Variants in MAPK10 observed in about 807,000 individuals in gnomAD.
The protein encoded by MAPK10 is mitogen-activated protein kinase 10.
In MAPK10, 25 loss-of-function variants were observed where a neutral mutation model predicts 59.3. That is an observed-to-expected ratio of 0.42 (90% CI 0.31 to 0.59). MAPK10 has a LOEUF of 0.59. Ranked by LOEUF, MAPK10 falls within the 20% of genes least tolerant of loss-of-function variation. The pLI, the probability that MAPK10 is intolerant of heterozygous loss-of-function variation, is 0.15. For synonymous variants in MAPK10, 190 were observed against 200.5 expected (o/e 0.95, Z 0.44); for missense variants, 351 against 568.9 (o/e 0.62, Z 3.90).
Position 86,251,779 on chromosome 4 carries a change from G to T in MAPK10, c.-6-57372C>A, listed in dbSNP as rs1481035601. Among the ~76,000 whole-genome samples, 4 of 135,644 alleles carry T rather than the reference G, an allele frequency of 2.9e-5. No homozygotes were observed. The East Asian group carries it at 6.0e-4, about 20-fold the overall frequency. 89.0% of individuals were successfully genotyped at this position (135,644 alleles called of 152,430 possible). On this transcript the variant is annotated intron_variant, in intron 2 of 13. Transcript: ENST00000641462. Reference sequence around the variant, plus strand: ...GACTTCCACAATGGTTGAACTAGTTGACAGTCCCACCAACAGTGTAAAAGT... The same window carrying T: ...GACTTCCACAATGGTTGAACTAGTTTACAGTCCCACCAACAGTGTAAAAGT...
At chr4:86,249,941 A>G (rs991184033) in intron 2 of MAPK10, among the ~76,000 whole-genome samples, 3 of 152,180 alleles carry the variant, frequency 2.0e-5, no homozygotes, top group Non-Finnish European at 4.4e-5. Context: ...AGAATGGGAA[A>G]TAAAAATGCT....
chr4:86,075,509 C>T (rs925505154), intron 9 of MAPK10, among the ~76,000 whole-genome samples: 8 of 152,090 alleles, frequency 5.3e-5, no homozygotes, highest in Non-Finnish European at 4.4e-5. Context: ...TCTGTTTTTT[C>T]CCCATCTTTG....
intron 4 of MAPK10, among the ~76,000 whole-genome samples, chr4:86,158,526 A>C (rs1390631548): frequency 6.6e-6 from 1 of 151,856 alleles, no homozygotes; most frequent in African/African-American, 2.4e-5. Context: ...ACATATATAA[A>C]TATACATATT....
chr4:86,055,695 G>GT (rs1179640886), intron 11 of MAPK10, among the ~76,000 whole-genome samples: 1 of 149,332 alleles, frequency 6.7e-6, no homozygotes, highest in Non-Finnish European at 1.5e-5. Flanking sequence ...CCCATGAAAT[G>GT]TTTTTTTAAA....
intron 1 of MAPK10, among the ~76,000 whole-genome samples, chr4:86,356,014 G>A (rs1266191625): frequency 4.0e-5 from 6 of 150,834 alleles, no homozygotes; most frequent in Non-Finnish European, 8.8e-5. Flanking sequence ...GAACTTTAAA[G>A]TCACTGCTGT....
chr4:86,094,261 T>G (rs569862109), intron 9 of MAPK10, among the ~76,000 whole-genome samples: 1 of 152,122 alleles, frequency 6.6e-6, no homozygotes, highest in Non-Finnish European at 1.5e-5. Flanking sequence ...TCAAATATAC[T>G]TTTGGAAAAC....
chr4:86,216,832 G>A (rs2087804387), intron 2 of MAPK10, among the ~76,000 whole-genome samples: 1 of 151,926 alleles, frequency 6.6e-6, no homozygotes, highest in African/African-American at 2.4e-5. Context: ...TACAAATATA[G>A]TTTTAGAAAA....
intron 4 of MAPK10, among the ~76,000 whole-genome samples, chr4:86,110,144 G>T (rs1170154472): frequency 1.3e-5 from 2 of 152,112 alleles, no homozygotes; most frequent in African/African-American, 4.8e-5. Flanking sequence ...CAGATGGATA[G>T]ATTACAAAAG....
At chr4:86,238,326 C>T (rs188073087) in intron 2 of MAPK10, among the ~76,000 whole-genome samples, 28 of 152,158 alleles carry the variant, frequency 1.8e-4, no homozygotes, top group African/African-American at 5.3e-4. Context: ...CTTGGCTATA[C>T]GGGGTCTTCT....
chr4:86,232,711 C>A (rs1035192183), intron 2 of MAPK10, among the ~76,000 whole-genome samples: 4 of 152,124 alleles, frequency 2.6e-5, no homozygotes, highest in Admixed American at 1.3e-4. Flanking sequence ...TATGTTTAAC[C>A]AAATTCAAAC....
At chr4:86,184,611 C>T (rs2077718378) in intron 3 of MAPK10, among the ~76,000 whole-genome samples, 1 of 152,072 alleles carries the variant, frequency 6.6e-6, no homozygotes, top group Non-Finnish European at 1.5e-5. Context: ...AGATGGATCC[C>T]TTGTGGCTTG....
chr4:86,331,811 AG>A (rs1349481684), intron 2 of MAPK10, among the ~76,000 whole-genome samples: 4 of 152,200 alleles, frequency 2.6e-5, no homozygotes, highest in Non-Finnish European at 5.9e-5. Context: ...TATGCTTTAT[AG>A]GTAATGTGAA....
Position 86,129,179 on chromosome 4 carries a change from C to G in MAPK10, c.237-21827G>C, listed in dbSNP as rs1201122036. On this transcript the variant is annotated intron_variant, in intron 4 of 13. Transcript: ENST00000641462. ...GTATTTTTACAGACATTTGGCAAAC[C>G]AGTAGAGATAAGGAAACTGAGTCCC... is the stretch of plus-strand genomic sequence containing the variant. 2.0e-5 allele frequency among the ~76,000 whole-genome samples: 3 copies of G among 152,124 alleles called. No individual in the cohort carries two copies. The East Asian group carries it at 5.8e-4, about 29-fold the overall frequency.
chr4:86,323,945 T>A (rs1252828684), intron 2 of MAPK10, among the ~76,000 whole-genome samples: 1 of 152,150 alleles, frequency 6.6e-6, no homozygotes, highest in Admixed American at 6.6e-5. Context: ...GACTAATAAT[T>A]CTCTGGTACT....
At chr4:86,352,479 G>A (rs1732051250) in intron 2 of MAPK10, among the ~76,000 whole-genome samples, 1 of 152,166 alleles carries the variant, frequency 6.6e-6, no homozygotes, top group Non-Finnish European at 1.5e-5. Flanking sequence ...AATACATGGA[G>A]CTGAAGCATA....
chr4:86,496,943 CTCT>C (rs1349035693), intron 1 of MAPK10, among the ~76,000 whole-genome samples: 4 of 152,220 alleles, frequency 2.6e-5, no homozygotes, highest in African/African-American at 9.6e-5. Context: ...TAACTAATCT[CTCT>C]TTTGCCACAA....
In MAPK10 at chr4:86,011,493, C is replaced by T. The variant is rs2148881958; in HGVS notation, c.*5735G>A. ...TAATCTTCAAGAAAAGCAAGTCCAACACCCTTTTTTCTCCTTACTGTGAAC... is the reference window on the plus strand; with the variant it reads ...TAATCTTCAAGAAAAGCAAGTCCAATACCCTTTTTTCTCCTTACTGTGAAC... On this transcript the variant is annotated 3_prime_UTR_variant, in exon 14 of 14. Coordinates refer to ENST00000641462, the MANE Select transcript of MAPK10 (RefSeq NM_138982.4). 1 of 152,328 alleles carries T rather than the reference C, an allele frequency of 6.6e-6. No individual in the cohort carries two copies. The highest frequency in any genetic ancestry group is 1.9e-4 in the East Asian group (1 of 5,182). The allele number at this position is 152,328 out of a possible 1,614,324, so 9.4% of individuals were successfully genotyped here.
At chr4:86,460,511 G>A (rs1327199283) in intron 1 of MAPK10, among the ~76,000 whole-genome samples, 1 of 152,220 alleles carries the variant, frequency 6.6e-6, no homozygotes, top group Non-Finnish European at 1.5e-5. Context: ...ACCAATTAAT[G>A]CCAATAGTGT....
chr4:86,258,564 T>G (rs2093852453), intron 2 of MAPK10, among the ~76,000 whole-genome samples: 1 of 152,188 alleles, frequency 6.6e-6, no homozygotes, highest in Non-Finnish European at 1.5e-5. Flanking sequence ...ATGCTTGCTG[T>G]CTTTTCTTCC....
Sources: allele counts gnomAD v4.1 joint callset (sites outside exome capture counted in the v4.1 genomes callset), GRCh38; gene constraint gnomAD v4.1.1; transcripts MANE v1.5; gene names NCBI Gene and HGNC (gene_info 2026-07-23, HGNC 2026-07-21).